PTPRD: variants seen among roughly 807,000 people sequenced by gnomAD.
PTPRD encodes receptor-type tyrosine-protein phosphatase delta.
Under a neutral mutation model 214.5 loss-of-function variants are expected in PTPRD, and 34 were observed. That is an observed-to-expected ratio of 0.16 (90% CI 0.12 to 0.21). The LOEUF is 0.21. PTPRD is among the 10% of genes least tolerant of loss of function. PTPRD has a pLI of 1.00. For synonymous variants in PTPRD, 1,128 were observed against 845.7 expected, an observed-to-expected ratio of 1.33 and a Z score of -5.79; for missense variants, 2,545 against 2,398.7, an observed-to-expected ratio of 1.06 and a Z score of -1.27.
Position 8,913,531 on chromosome 9 carries a change from C to A in PTPRD, c.-104+105166G>T, listed in dbSNP as rs555117103. 4.6e-5 allele frequency among the ~76,000 whole-genome samples: 7 copies of A among 152,212 alleles called. No homozygotes were observed. The South Asian group carries it at 1.5e-3, about 32-fold the overall frequency. Reference sequence around the variant, plus strand: ...CTGAGTCTGCATACATCTGGCATAGCTCATATTTTTTTCTTAATTTAAATA... The same window carrying A: ...CTGAGTCTGCATACATCTGGCATAGATCATATTTTTTTCTTAATTTAAATA... On this transcript the variant is annotated intron_variant, in intron 11 of 45. Coordinates refer to ENST00000381196, the MANE Select transcript of PTPRD (RefSeq NM_002839.4).
chr9:9,661,749 C>A (rs552347309), intron 7 of PTPRD, among the ~76,000 whole-genome samples: 1 of 151,388 alleles, frequency 6.6e-6, no homozygotes, highest in Non-Finnish European at 1.5e-5. Flanking sequence ...ACATTTTAGT[C>A]ATCTAAGAAA....
chr9:10,091,001 C>G (rs914721462), intron 3 of PTPRD, among the ~76,000 whole-genome samples: 1 of 149,980 alleles, frequency 6.7e-6, no homozygotes, highest in Non-Finnish European at 1.5e-5. Context: ...AATGTTGCCT[C>G]ATTTTCCATT....
chr9:9,278,247 G>A (rs955982244), intron 9 of PTPRD, among the ~76,000 whole-genome samples: 2 of 151,048 alleles, frequency 1.3e-5, no homozygotes, highest in Non-Finnish European at 3.0e-5. Context: ...CTTGCAATTA[G>A]GTATTTATTC....
chr9:8,490,604 C>T (rs978137243), intron 27 of PTPRD, among the ~76,000 whole-genome samples: 1 of 152,128 alleles, frequency 6.6e-6, no homozygotes, highest in Non-Finnish European at 1.5e-5. Flanking sequence ...CCTTTAACCT[C>T]AAGAACTCAG....
chr9:10,316,892 G>T (rs1362342668), intron 3 of PTPRD, among the ~76,000 whole-genome samples: 1 of 151,868 alleles, frequency 6.6e-6, no homozygotes, highest in Non-Finnish European at 1.5e-5. Flanking sequence ...ACTGTAGGCT[G>T]AGTGTTTTAA....
chr9:9,615,568 T>A (rs1461148195), intron 7 of PTPRD, among the ~76,000 whole-genome samples: 2 of 152,198 alleles, frequency 1.3e-5, no homozygotes, highest in Non-Finnish European at 2.9e-5. Context: ...TGTTTGTTTG[T>A]TTGTTCATTA....
chr9:10,269,682 T>G (rs2094309495), intron 3 of PTPRD, among the ~76,000 whole-genome samples: 1 of 152,186 alleles, frequency 6.6e-6, no homozygotes, highest in Non-Finnish European at 1.5e-5. Context: ...CTTTATTAAC[T>G]GTAACTTTAA....
intron 11 of PTPRD, among the ~76,000 whole-genome samples, chr9:8,940,280 C>CTTTTTTTTTTTTTTTTTTTTTTTT (rs34342718): frequency 7.9e-5 from 7 of 89,054 alleles, no homozygotes; most frequent in African/African-American, 2.2e-4. Context: ...TCTCTCTCTC[C>CTTTTTTTTTTTTTTTTTTTTTTTT]TTTTTTTTTT....
chr9:10,126,319 A>G (rs2098818763), intron 3 of PTPRD, among the ~76,000 whole-genome samples: 1 of 152,022 alleles, frequency 6.6e-6, no homozygotes, highest in African/African-American at 2.4e-5. Context: ...TTAATATTCC[A>G]TAATATCATC....
At chr9:10,535,889 G>A (rs1191052181) in intron 2 of PTPRD, among the ~76,000 whole-genome samples, 1 of 152,096 alleles carries the variant, frequency 6.6e-6, no homozygotes, top group Non-Finnish European at 1.5e-5. Flanking sequence ...TTGTCACAAA[G>A]TGAGAAAGCA....
At chr9:10,302,675 A>G (rs1273517561) in intron 3 of PTPRD, among the ~76,000 whole-genome samples, 2 of 152,252 alleles carry the variant, frequency 1.3e-5, no homozygotes, top group African/African-American at 4.8e-5. Context: ...GAAGGGCATT[A>G]CATAATGGTA....
chr9:8,712,707 C>T (rs780644270), intron 12 of PTPRD, among the ~76,000 whole-genome samples: 4 of 144,126 alleles, frequency 2.8e-5, no homozygotes, highest in South Asian at 4.4e-4. Flanking sequence ...ATGCAAAGAT[C>T]GTATCAATTC....
At chr9:9,335,050 A>G (rs917989695) in intron 9 of PTPRD, among the ~76,000 whole-genome samples, 2 of 152,056 alleles carry the variant, frequency 1.3e-5, no homozygotes, top group African/African-American at 2.4e-5. Flanking sequence ...CTCTTAATAT[A>G]TGCTCATCTT....
intron 5 of PTPRD, among the ~76,000 whole-genome samples, chr9:9,860,499 G>A (rs1216203391): frequency 2.0e-5 from 3 of 152,282 alleles, no homozygotes; most frequent in African/African-American, 7.2e-5. Flanking sequence ...AAGATATTGA[G>A]CAATATTTTA....
intron 3 of PTPRD, among the ~76,000 whole-genome samples, chr9:10,219,658 A>G (rs2099556907): frequency 6.6e-6 from 1 of 151,832 alleles, no homozygotes; most frequent in Admixed American, 6.6e-5. Context: ...TTTTTAAAAA[A>G]TTTATTTTTT....
At chr9:8,847,531 T>C (rs997458204) in intron 11 of PTPRD, among the ~76,000 whole-genome samples, 1 of 152,158 alleles carries the variant, frequency 6.6e-6, no homozygotes, top group Non-Finnish European at 1.5e-5. Context: ...TCAGATATCA[T>C]GAAAGCCATA....
At chr9:8,593,491 G>A (rs2094265146) in intron 14 of PTPRD, among the ~76,000 whole-genome samples, 1 of 152,124 alleles carries the variant, frequency 6.6e-6, no homozygotes, top group Non-Finnish European at 1.5e-5. Context: ...AGATATAACT[G>A]GTAGATATAA....
intron 2 of PTPRD, among the ~76,000 whole-genome samples, chr9:10,575,420 C>A (rs2068906867): frequency 6.6e-6 from 1 of 152,030 alleles, no homozygotes; most frequent in East Asian, 1.9e-4. Context: ...ATGAGGGCCA[C>A]AAATAGATTT....
intron 10 of PTPRD, among the ~76,000 whole-genome samples, chr9:9,042,860 G>C (rs1196113644): frequency 6.6e-6 from 1 of 152,046 alleles, no homozygotes; most frequent in Non-Finnish European, 1.5e-5. Context: ...CCAATATTCA[G>C]TTCATAGGCA....
Sources: allele counts gnomAD v4.1 joint callset (sites outside exome capture counted in the v4.1 genomes callset), GRCh38; gene constraint gnomAD v4.1.1; transcripts MANE v1.5; gene names NCBI Gene and HGNC (gene_info 2026-07-23, HGNC 2026-07-21).